MACROD2: variants seen among roughly 807,000 people sequenced by gnomAD.
MACROD2 encodes the protein ADP-ribose glycohydrolase MACROD2.
Under a neutral mutation model 70.4 loss-of-function variants are expected in MACROD2, and 36 were observed. The observed-to-expected ratio is 0.51, with a 90% CI of 0.39 to 0.68. MACROD2 has a LOEUF of 0.68. MACROD2 is among the 30% of genes least tolerant of loss of function. The pLI, the probability that MACROD2 is intolerant of heterozygous loss-of-function variation, is 0.00. For synonymous variants in MACROD2, 172 were observed against 178.8 expected, an observed-to-expected ratio of 0.96 and a Z score of 0.30; for missense variants, 496 against 538.4, an observed-to-expected ratio of 0.92 and a Z score of 0.78.
At chr20:15,363,836 G>A (rs865804425) in intron 6 of MACROD2, among the ~76,000 whole-genome samples, 1 of 152,076 alleles carries the variant, frequency 6.6e-6, no homozygotes, top group South Asian at 2.1e-4. Flanking sequence ...TTTTGCAAAC[G>A]GCTTCACGAT....
intron 2 of MACROD2, among the ~76,000 whole-genome samples, chr20:14,063,243 T>A (rs1250171607): frequency 6.6e-6 from 1 of 152,194 alleles, no homozygotes; most frequent in African/African-American, 2.4e-5. Context: ...ACAAAGAGAT[T>A]TACTAATGAT....
At chr20:16,004,583 C>G (rs140688242) in intron 15 of MACROD2, among the ~76,000 whole-genome samples, 1 of 152,200 alleles carries the variant, frequency 6.6e-6, no homozygotes, top group Non-Finnish European at 1.5e-5. Context: ...TAGCAGCTCT[C>G]TTATCAGCAG....
intron 5 of MACROD2, among the ~76,000 whole-genome samples, chr20:15,021,121 C>CATGT (rs368283801): frequency 9.8e-6 from 1 of 102,140 alleles, no homozygotes; most frequent in African/African-American, 4.3e-5. Context: ...TGTGTATACA[C>CATGT]GTGTGTATAC....
intron 3 of MACROD2, among the ~76,000 whole-genome samples, chr20:14,215,433 G>A (rs192411561): frequency 1.1e-4 from 16 of 150,366 alleles, no homozygotes; most frequent in East Asian, 7.8e-4. Flanking sequence ...TTGGTTCCAC[G>A]GTTTTGCAAT....
intron 3 of MACROD2, among the ~76,000 whole-genome samples, chr20:14,344,256 G>GA (rs2083042834): frequency 6.6e-6 from 1 of 152,158 alleles, no homozygotes; most frequent in Non-Finnish European, 1.5e-5. Flanking sequence ...TGCCCCTTGG[G>GA]AACTGATATG....
intron 4 of MACROD2, among the ~76,000 whole-genome samples, chr20:14,533,579 T>A (rs1167914751): frequency 6.6e-6 from 1 of 152,228 alleles, no homozygotes. Flanking sequence ...AAAGTTGCAC[T>A]CATCCCTGAT....
chr20:14,297,180 C>T (rs1284723845), intron 3 of MACROD2, among the ~76,000 whole-genome samples: 1 of 151,830 alleles, frequency 6.6e-6, no homozygotes, highest in African/African-American at 2.4e-5. Context: ...CTGTCCCTTT[C>T]CTCTGGCTTC....
intron 4 of MACROD2, among the ~76,000 whole-genome samples, chr20:14,563,510 T>C (rs1216092458): frequency 6.6e-6 from 1 of 151,954 alleles, no homozygotes; most frequent in Non-Finnish European, 1.5e-5. Flanking sequence ...TCAAGGAGTT[T>C]GGCAGTTACT....
chr20:14,483,078 T>C (rs2084681399), intron 3 of MACROD2, among the ~76,000 whole-genome samples: 1 of 152,214 alleles, frequency 6.6e-6, no homozygotes, highest in Admixed American at 6.5e-5. Flanking sequence ...GTAAGCTATG[T>C]TATTTTTTAG....
chr20:14,811,682 C>T (rs931864885), intron 5 of MACROD2, among the ~76,000 whole-genome samples: 2 of 152,040 alleles, frequency 1.3e-5, no homozygotes, highest in African/African-American at 4.8e-5. Context: ...ATCCATCCAT[C>T]TGACAAAGGG....
At chr20:15,206,054 T>C (rs1036839248) in intron 5 of MACROD2, among the ~76,000 whole-genome samples, 3 of 152,160 alleles carry the variant, frequency 2.0e-5, no homozygotes, top group Non-Finnish European at 2.9e-5. Context: ...AATGAGAAGG[T>C]ACCCCTTTGC....
rs2075072225 is a variant in MACROD2 at position 15,010,264 on chromosome 20, T to A, written c.419-219676T>A. 3.3e-5 allele frequency among the ~76,000 whole-genome samples: 5 copies of A among 152,350 alleles called. No individual in the cohort carries two copies. In the South Asian group the frequency reaches 1.0e-3, roughly 32 times the overall value. On this transcript the variant is annotated intron_variant, in intron 5 of 17. Coordinates refer to ENST00000684519, the MANE Select transcript of MACROD2 (RefSeq NM_001351661.2). Reference sequence around the variant, plus strand: ...TTAGAAAATCAGCACCAGCCAAAAGTGTAATGCACCATGCCGCCACTTAGG... The same window carrying A: ...TTAGAAAATCAGCACCAGCCAAAAGAGTAATGCACCATGCCGCCACTTAGG...
intron 5 of MACROD2, among the ~76,000 whole-genome samples, chr20:14,768,395 A>C (rs1322620076): frequency 6.6e-6 from 1 of 152,084 alleles, no homozygotes; most frequent in Non-Finnish European, 1.5e-5. Flanking sequence ...ATTTCCCAGG[A>C]ATTTGGGAAT....
At chr20:15,108,354 T>G (rs1307316389) in intron 5 of MACROD2, among the ~76,000 whole-genome samples, 2 of 152,214 alleles carry the variant, frequency 1.3e-5, no homozygotes, top group African/African-American at 4.8e-5. Context: ...CATGGCTATA[T>G]GGAACTCAAT....
At chr20:14,652,675 C>T (rs1985738535) in intron 4 of MACROD2, among the ~76,000 whole-genome samples, 1 of 152,128 alleles carries the variant, frequency 6.6e-6, no homozygotes, top group African/African-American at 2.4e-5. Flanking sequence ...AATTCTAAAG[C>T]TGGAGATCTT....
chr20:14,495,507 A>G (rs1310493082), intron 4 of MACROD2, among the ~76,000 whole-genome samples: 1 of 152,184 alleles, frequency 6.6e-6, no homozygotes, highest in Non-Finnish European at 1.5e-5. Flanking sequence ...GAAGCAATGC[A>G]CTCATCAGAA....
intron 7 of MACROD2, among the ~76,000 whole-genome samples, chr20:15,443,272 G>T (rs1239081567): frequency 1.3e-5 from 2 of 151,682 alleles, no homozygotes; most frequent in African/African-American, 2.4e-5. Flanking sequence ...TGAGTTTAGG[G>T]CAGAGTCTGA....
At chr20:15,681,065 G>C (rs2050153114) in intron 8 of MACROD2, among the ~76,000 whole-genome samples, 1 of 152,144 alleles carries the variant, frequency 6.6e-6, no homozygotes, top group South Asian at 2.1e-4. Flanking sequence ...GTTTGAAGAC[G>C]CTCTCAAGTC....
intron 5 of MACROD2, among the ~76,000 whole-genome samples, chr20:14,909,296 G>C (rs1288848611): frequency 6.6e-6 from 1 of 151,992 alleles, no homozygotes; most frequent in African/African-American, 2.4e-5. Context: ...GCCTTCCCAG[G>C]GCTTCGAATC....
Sources: gnomAD v4.1 joint callset for allele counts (sites outside exome capture counted in the v4.1 genomes callset) on GRCh38, gnomAD v4.1.1 for gene constraint, MANE v1.5 for transcripts, NCBI Gene and HGNC (gene_info 2026-07-23, HGNC 2026-07-21) for gene names.